The following ZNF609 variants were observed in gnomAD, a reference collection of about 807,000 sequenced individuals.
The protein encoded by ZNF609 is zinc finger protein 609.
ZNF609 carries 11 observed loss-of-function variants against 109.5 expected under a neutral mutation model. That is an observed-to-expected ratio of 0.10 (90% CI 0.06 to 0.17). ZNF609 has a LOEUF of 0.17. ZNF609 is among the 10% of genes least tolerant of loss of function. The pLI is 1.00. For synonymous variants in ZNF609, 646 were observed against 662.0 expected, an observed-to-expected ratio of 0.98 and a Z score of 0.37; for missense variants, 1,559 against 1,772.4, an observed-to-expected ratio of 0.88 and a Z score of 2.16.
intron 2 of ZNF609, among the ~76,000 whole-genome samples, chr15:64,520,552 C>CA (rs1312318073): frequency 6.6e-6 from 1 of 152,118 alleles, no homozygotes; most frequent in East Asian, 1.9e-4. Flanking sequence ...ACCTGTGTCT[C>CA]AGTTTTTATT....
intron 2 of ZNF609, among the ~76,000 whole-genome samples, chr15:64,517,380 C>A (rs1893829333): frequency 6.6e-6 from 1 of 152,048 alleles, no homozygotes; most frequent in South Asian, 2.1e-4. Flanking sequence ...CTGTCTCAAA[C>A]AAAACAAAAC....
At chr15:64,673,492 A>G (rs1896764840) in intron 4 of ZNF609, among the ~76,000 whole-genome samples, 1 of 152,222 alleles carries the variant, frequency 6.6e-6, no homozygotes. Context: ...ATATCTTCAT[A>G]GTGAGGTATG....
chr15:64,547,398 A>T (rs897981099), intron 2 of ZNF609, among the ~76,000 whole-genome samples: 11 of 152,152 alleles, frequency 7.2e-5, no homozygotes, highest in African/African-American at 2.4e-4. Flanking sequence ...GCATGTTAGG[A>T]TGACATAATT....
chr15:64,510,564 T>C (rs1252535778), intron 2 of ZNF609, among the ~76,000 whole-genome samples: 1 of 152,114 alleles, frequency 6.6e-6, no homozygotes, highest in Non-Finnish European at 1.5e-5. Flanking sequence ...TTAAACTTTA[T>C]CATAGGTACG....
At chr15:64,543,446 C>CT (rs1444264335) in intron 2 of ZNF609, among the ~76,000 whole-genome samples, 2,247 of 133,226 alleles carry the variant, frequency 0.017, 16 homozygotes, top group Non-Finnish European at 0.024. Context: ...TTGTTTTTTG[C>CT]TTTTTTTTTT....
At chr15:64,666,007 G>A (rs1253093827) in intron 3 of ZNF609, among the ~76,000 whole-genome samples, 4 of 151,566 alleles carry the variant, frequency 2.6e-5, no homozygotes, top group South Asian at 4.1e-4. Context: ...CCCAGGAGGC[G>A]GAGGTTGCAG....
In ZNF609 at chr15:64,675,205, G is replaced by A. The variant is rs773329924; in HGVS notation, c.2351G>A (p.Arg784Gln). 4.3e-6 allele frequency: 7 copies of A among 1,614,030 alleles called. No homozygotes were observed. The highest frequency in any genetic ancestry group is 1.1e-5 in the South Asian group (1 of 91,080). The change falls in exon 5 of 10, where the codon CGA (arginine) becomes CAA (glutamine). Residue 784 changes from arginine (R) to glutamine (Q), a missense_variant. By Grantham distance (43) the Arg-to-Gln change is conservative. This residue lies in a region of ZNF609 where 1,204 missense variants were observed against 1,314.1 expected (regional missense o/e 0.92). Coordinates refer to ENST00000326648, the MANE Select transcript of ZNF609 (RefSeq NM_015042.2). ...GGCTCATCAGACCCCCACCAAAGCC[G>A]ACTGGCTAGCATCAAGGCTGAAGCC... ...LNGSSDPHQS[R>Q]LASIKAEADK...
rs1291490259 is a variant in ZNF609 at position 64,676,159 on chromosome 15, G to T, written c.3305G>T (p.Ser1102Ile). 6.2e-7 allele frequency: 1 copy of T among 1,614,222 alleles called. No homozygotes were observed. Among genetic ancestry groups the T allele is most frequent in the Non-Finnish European group, 8.5e-7 (1 of 1,180,044 alleles). Residue 1102 changes from serine to isoleucine, a missense_variant, in exon 5 of 10, where the codon AGT becomes ATT. Coordinates refer to ENST00000326648, the MANE Select transcript of ZNF609 (RefSeq NM_015042.2). ...CCTGAAGGCCTTAAAGTGAAGCTGA[G>T]TGATGCCAGCCACCTAAGCAAGGAG... ...QAPEGLKVKL[S>I]DASHLSKEAS... is the part of the protein sequence containing the mutation.
intron 2 of ZNF609, among the ~76,000 whole-genome samples, chr15:64,604,907 C>A (rs142304572): frequency 0.014 from 2,057 of 152,240 alleles, 137 homozygotes; most frequent in Admixed American, 0.12. Context: ...TCTTGGCTCA[C>A]TGCAAACTCC....
At chr15:64,618,793 G>A (rs879713936) in intron 2 of ZNF609, among the ~76,000 whole-genome samples, 1 of 152,092 alleles carries the variant, frequency 6.6e-6, no homozygotes, top group African/African-American at 2.4e-5. Context: ...AGGTCCAGCC[G>A]CTGTGTCTTC....
intron 3 of ZNF609, among the ~76,000 whole-genome samples, chr15:64,630,114 T>TTTTTTTA: frequency 6.6e-6 from 1 of 150,906 alleles, no homozygotes; most frequent in African/African-American, 2.4e-5. Context: ...TTTTTTTTTT[T>TTTTTTTA]TGAGACAAAG....
intron 1 of ZNF609, among the ~76,000 whole-genome samples, chr15:64,466,659 A>T (rs1253288936): frequency 6.6e-6 from 1 of 152,214 alleles, no homozygotes; most frequent in African/African-American, 2.4e-5. Flanking sequence ...TTAATTGTTT[A>T]GTATTCACTT....
chr15:64,681,172 C>A, intron 8 of ZNF609, 137 bp from the exon 9 acceptor site: 1 of 783,240 alleles, frequency 1.3e-6, no homozygotes, highest in Non-Finnish European at 2.1e-6. Context: ...AGAAATAGAG[C>A]CTTATTATCT....
chr15:64,577,338 T>TATATATGTATATATATACAC (rs1411880985), intron 2 of ZNF609, among the ~76,000 whole-genome samples: 1 of 18,632 alleles, frequency 5.4e-5, no homozygotes, highest in African/African-American at 9.7e-5. Flanking sequence ...AATATATACA[T>TATATATGTATATATATACAC]ATATATGTAT....
At chr15:64,641,228 T>TTTTTTTTTTTG (rs1316526596) in intron 3 of ZNF609, among the ~76,000 whole-genome samples, 1 of 124,692 alleles carries the variant, frequency 8.0e-6, no homozygotes, top group Non-Finnish European at 1.7e-5. Flanking sequence ...TCTTTTTTTT[T>TTTTTTTTTTTG]TTTTTTGAGA....
intron 2 of ZNF609, among the ~76,000 whole-genome samples, chr15:64,602,716 C>CTTTTTTTTTTTTTT (rs10600561): frequency 2.2e-4 from 12 of 55,578 alleles, no homozygotes; most frequent in African/African-American, 3.3e-4. Flanking sequence ...TTTTTTCTTT[C>CTTTTTTTTTTTTTT]TTTTTTTTTT....
chr15:64,683,976 C>G lies in ZNF609; in HGVS notation c.*2290C>G, dbSNP rs1302071833. On this transcript the variant is annotated 3_prime_UTR_variant, in exon 10 of 10. Transcript: ENST00000326648. Reference sequence around the variant, plus strand: ...CCAGAAGAGAACAGGTTTTTCTTTTCCTTTTTAATTTTTCTTCTTAAACAT... The same window carrying G: ...CCAGAAGAGAACAGGTTTTTCTTTTGCTTTTTAATTTTTCTTCTTAAACAT... The G allele has an allele frequency of 6.6e-6, 1 of 152,198 alleles. No individual in the cohort carries two copies. Among genetic ancestry groups the G allele is most frequent in the Non-Finnish European group, 1.5e-5 (1 of 68,048 alleles). The allele number at this position is 152,198 out of a possible 1,614,324, so 9.4% of individuals were successfully genotyped here.
intron 7 of ZNF609, 85 bp from the exon 8 acceptor site, chr15:64,680,561 T>TTTG (rs1896868829): frequency 1.1e-6 from 1 of 888,820 alleles, no homozygotes; most frequent in African/African-American, 1.7e-5. Context: ...GGCATCTCAC[T>TTTG]TGTGTGTGTG....
intron 2 of ZNF609, among the ~76,000 whole-genome samples, chr15:64,539,072 T>C (rs944612235): frequency 6.1e-5 from 9 of 148,030 alleles, no homozygotes; most frequent in South Asian, 2.2e-4. Flanking sequence ...GGCGCGATCT[T>C]GGCTCACTGC....
Sources: allele counts gnomAD v4.1 joint callset (sites outside exome capture counted in the v4.1 genomes callset), GRCh38; gene constraint gnomAD v4.1.1; regional missense constraint gnomAD v4.1.1; transcripts MANE v1.5; gene names NCBI Gene and HGNC (gene_info 2026-07-23, HGNC 2026-07-21).